The following ATG14 variants were observed in gnomAD, a reference collection of about 807,000 sequenced individuals.
ATG14 encodes the protein beclin 1-associated autophagy-related key regulator.
Under a neutral mutation model 60.4 loss-of-function variants are expected in ATG14, and 35 were observed. The ratio of observed to expected loss-of-function variants is 0.58; its 90% confidence interval spans 0.44 to 0.77. The LOEUF (loss-of-function observed/expected upper bound fraction) is 0.77, where lower values mean the gene tolerates loss of function less well. ATG14 is among the 30% of genes least tolerant of loss of function. The pLI is 0.00. For synonymous variants in ATG14, 234 were observed against 228.8 expected, an observed-to-expected ratio of 1.02 and a Z score of -0.21; for missense variants, 647 against 626.3, an observed-to-expected ratio of 1.03 and a Z score of -0.35.
intron 9 of ATG14, among the ~76,000 whole-genome samples, chr14:55,377,603 A>G (rs1884943570): frequency 6.6e-6 from 1 of 152,182 alleles, no homozygotes; most frequent in South Asian, 2.1e-4. Flanking sequence ...AGGTATTAAA[A>G]ATGATTGATA....
intron 8 of ATG14, 36 bp from the exon 9 acceptor site, chr14:55,377,940 C>G: frequency 5.6e-6 from 9 of 1,593,100 alleles, no homozygotes; most frequent in Non-Finnish European, 7.7e-6. Flanking sequence ...ATATTTTCAA[C>G]TATTTAACAA....
At chr14:55,379,228 GTGTT>G (rs1395977358) in intron 7 of ATG14, among the ~76,000 whole-genome samples, 1 of 152,170 alleles carries the variant, frequency 6.6e-6, no homozygotes, top group Admixed American at 6.5e-5. Context: ...AGTGTAAACA[GTGTT>G]TATTTAAAGG....
At chr14:55,382,304 T>TAATG in intron 5 of ATG14, 113 bp from the exon 6 acceptor site, 1 of 821,944 alleles carries the variant, frequency 1.2e-6, no homozygotes, top group Non-Finnish European at 1.9e-6. Flanking sequence ...CACAGAAATT[T>TAATG]TACATTAAAT....
intron 4 of ATG14, among the ~76,000 whole-genome samples, chr14:55,389,929 T>C (rs1885185989): frequency 6.6e-6 from 1 of 152,040 alleles, no homozygotes; most frequent in Non-Finnish European, 1.5e-5. Context: ...GTAAGATTAA[T>C]ACAGATTACA....
chr14:55,383,056 A>G (rs1168569633), intron 5 of ATG14, among the ~76,000 whole-genome samples: 1 of 152,172 alleles, frequency 6.6e-6, no homozygotes, highest in Non-Finnish European at 1.5e-5. Flanking sequence ...ATAGCATCCC[A>G]CAAAAAGAGC....
chr14:55,373,102 C>G (rs1334857430), intron 9 of ATG14, among the ~76,000 whole-genome samples: 1 of 152,206 alleles, frequency 6.6e-6, no homozygotes, highest in Non-Finnish European at 1.5e-5. Flanking sequence ...GCTAGAGACA[C>G]AGCACACACA....
At chr14:55,376,391 G>T (rs891319974) in intron 9 of ATG14, among the ~76,000 whole-genome samples, 7 of 152,224 alleles carry the variant, frequency 4.6e-5, no homozygotes, top group Non-Finnish European at 1.0e-4. Context: ...AACTGGGATG[G>T]ATTTCTAATG....
chr14:55,373,098 GAC>G (rs1884854619), intron 9 of ATG14, among the ~76,000 whole-genome samples: 1 of 152,170 alleles, frequency 6.6e-6, no homozygotes, highest in Non-Finnish European at 1.5e-5. Context: ...CCAAGCTAGA[GAC>G]ACAGCACACA....
chr14:55,381,945 G>A lies in ATG14; in HGVS notation c.877+17C>T. ...CTCTCTCTATATATAGATTTCAAAG[G>A]ATATGCTGCTTCTCACCAGGCCCCT... On this transcript the variant is annotated intron_variant, in intron 6 of 9. Transcript: ENST00000247178. The A allele has an allele frequency of 1.3e-6, 2 of 1,593,326 alleles. No individual in the cohort carries two copies. Among genetic ancestry groups the A allele is most frequent in the East Asian group, 2.2e-5 (1 of 44,796 alleles).
chr14:55,370,532 C>G (rs1444609288), intron 9 of ATG14, among the ~76,000 whole-genome samples: 2 of 152,106 alleles, frequency 1.3e-5, no homozygotes, highest in Non-Finnish European at 2.9e-5. Flanking sequence ...TCAAAGGTCC[C>G]TAATAACACC....
chr14:55,384,597 T>TA (rs555256114), intron 5 of ATG14, among the ~76,000 whole-genome samples: 26 of 152,352 alleles, frequency 1.7e-4, no homozygotes, highest in East Asian at 1.3e-3. Flanking sequence ...ACAAAATACT[T>TA]AGAGTCAAGA....
chr14:55,405,293 G>A (rs1302456632), intron 1 of ATG14, among the ~76,000 whole-genome samples: 1 of 152,194 alleles, frequency 6.6e-6, no homozygotes, highest in Non-Finnish European at 1.5e-5. Flanking sequence ...TGTTGGTTGT[G>A]CCTTCCCCTT....
rs1885581131 is a variant in ATG14, at chr14:55,411,804, T to G, written c.19A>C (p.Lys7Gln). Residue 7 changes from lysine (K) to glutamine (Q), a missense_variant, in exon 1 of 10, where the codon AAG becomes CAG. By Grantham distance (53) the Lys-to-Gln change is moderately conservative (BLOSUM62 1). Transcript: ENST00000247178. MASPSG[K>Q]GARALEAPGC... ...GGAGCCTCCAGCGCCCGGGCTCCCT[T>G]CCCACTGGGAGACGCCATGATGGCC... 1 of 1,596,836 alleles carries G rather than the reference T, an allele frequency of 6.3e-7. No homozygotes were observed. The highest frequency in any genetic ancestry group is 1.7e-5 in the Admixed American group (1 of 57,398).
chr14:55,409,169 TG>T (rs1265730762), intron 1 of ATG14, among the ~76,000 whole-genome samples: 1 of 152,208 alleles, frequency 6.6e-6, no homozygotes, highest in East Asian at 1.9e-4. Flanking sequence ...GAATTAGACT[TG>T]CTGAGTTTTG....
rs1566585718 is a variant in ATG14, at chr14:55,402,951, AT to A, written c.222-5518del. 1.8e-3 allele frequency among the ~76,000 whole-genome samples: 144 copies of A among 79,456 alleles called. 5 individuals carry two copies. Among genetic ancestry groups the A allele is most frequent in the South Asian group, 6.5e-3 (14 of 2,156 alleles). 52.1% of individuals were successfully genotyped at this position (79,456 alleles called of 152,430 possible). A position where few individuals can be genotyped will look rare whatever the true frequency, so the allele number is the denominator to read the frequency against. ...AATATATATATATATATATATATAT[AT>A]ATATATATATATATATAAATAGCTG... On this transcript the variant is annotated intron_variant, in intron 1 of 9. Transcript: ENST00000247178.
intron 1 of ATG14, among the ~76,000 whole-genome samples, chr14:55,410,823 C>CGAT (rs763728709): frequency 3.3e-5 from 5 of 152,230 alleles, no homozygotes; most frequent in Non-Finnish European, 7.3e-5. Flanking sequence ...CTATCATTGA[C>CGAT]TATCATTGAC....
In ATG14 at chr14:55,380,575, G is replaced by T; in HGVS notation, c.993C>A (p.Asn331Lys). 1 of 1,596,148 alleles carries T rather than the reference G, an allele frequency of 6.3e-7. No individual in the cohort carries two copies. Among genetic ancestry groups the T allele is most frequent in the African/African-American group, 1.3e-5 (1 of 74,594 alleles). Residue 331 changes from asparagine (N) to lysine (K), a missense_variant and splice_region_variant, in exon 7 of 10, where the codon AAC becomes AAA. Coordinates refer to ENST00000247178, the MANE Select transcript of ATG14 (RefSeq NM_014924.5). ...LDVNLPKKLC[N>K]SEFCGENLSK... is the part of the protein sequence containing the mutation. ...CATTACCACCTTCAATTACTTGCCTGTTGCAGAGCTTTTTGGGAAGATTTA... is the reference window on the plus strand; with the variant it reads ...CATTACCACCTTCAATTACTTGCCTTTTGCAGAGCTTTTTGGGAAGATTTA...
chr14:55,401,991 C>T (rs1256733075), intron 1 of ATG14, among the ~76,000 whole-genome samples: 12 of 152,210 alleles, frequency 7.9e-5, no homozygotes, highest in Admixed American at 7.9e-4. Context: ...GCGAGTCTCA[C>T]TTCCACTCTG....
chr14:55,391,016 T>A (rs747090163), intron 3 of ATG14, 24 bp from the exon 4 acceptor site: 1 of 1,543,360 alleles, frequency 6.5e-7, no homozygotes, highest in Non-Finnish European at 8.9e-7. Flanking sequence ...GTAATAAATA[T>A]CACAAACGTT....
Sources: gnomAD v4.1 joint callset for allele counts (sites outside exome capture counted in the v4.1 genomes callset) on GRCh38, gnomAD v4.1.1 for gene constraint, MANE v1.5 for transcripts, NCBI Gene and HGNC (gene_info 2026-07-23, HGNC 2026-07-21) for gene names.